Variants in NUMA1 observed in about 807,000 individuals in gnomAD.
NUMA1 encodes SP-H antigen.
In NUMA1, 62 loss-of-function variants were observed where a neutral mutation model predicts 237.1. That is an observed-to-expected ratio of 0.26 (90% CI 0.21 to 0.32). The LOEUF (loss-of-function observed/expected upper bound fraction) is 0.32. Among genes scored for constraint, NUMA1 ranks in the 10% least tolerant of loss-of-function variants. The pLI is 1.00. For synonymous variants in NUMA1, 1,028 were observed against 1,066.1 expected (o/e 0.96, Z 0.70); for missense variants, 2,533 against 2,666.5 (o/e 0.95, Z 1.10).
intron 13 of NUMA1, 74 bp from the exon 14 acceptor site, chr11:72,016,604 A>C: frequency 2.6e-6 from 4 of 1,530,556 alleles, no homozygotes; most frequent in Non-Finnish European, 2.7e-6. Flanking sequence ...CCTCATAAAC[A>C]TCAGCAAACA....
Position 72,015,081 on chromosome 11 carries a change from T to G in NUMA1, c.2422A>C (p.Lys808Gln). The change falls in exon 15 of 27, where the codon AAA becomes CAA. Residue 808 changes from lysine (K) to glutamine (Q), a missense_variant. Lys to Gln is a moderately conservative substitution (Grantham distance 53). Around this residue, in one of 3 missense-constraint regions of NUMA1, gnomAD observed 1,414 missense variants for 1,508.1 expected, o/e 0.94. Coordinates refer to ENST00000393695, the MANE Select transcript of NUMA1 (RefSeq NM_006185.4). This position sits in a 1 kb window ranked among gnomAD's most constrained non-coding sequence, Gnocchi z 4.0. ...CGCTCACGCCAGGCAGCTACTTCTTTGACGAGCTGCTCACACTCACTCTCA... is the reference window on the plus strand; with the variant it reads ...CGCTCACGCCAGGCAGCTACTTCTTGGACGAGCTGCTCACACTCACTCTCA... ...TAESECEQLV[K>Q]EVAAWRERYE... is the part of the protein sequence containing the mutation. 1 of 1,613,984 alleles carries G rather than the reference T, an allele frequency of 6.2e-7. No homozygotes were observed. Among genetic ancestry groups the G allele is most frequent in the Non-Finnish European group, 8.5e-7 (1 of 1,180,032 alleles).
chr11:72,074,905 G>A (rs1041689613), intron 1 of NUMA1, among the ~76,000 whole-genome samples: 11 of 151,918 alleles, frequency 7.2e-5, no homozygotes, highest in Non-Finnish European at 1.5e-4. Flanking sequence ...GCAGTGGCAC[G>A]TGCCTGTAAT....
At chr11:72,073,459 T>G (rs1943561377) in intron 1 of NUMA1, among the ~76,000 whole-genome samples, 1 of 152,140 alleles carries the variant, frequency 6.6e-6, no homozygotes, top group Non-Finnish European at 1.5e-5. Flanking sequence ...TGCCCCACCT[T>G]TGAAGAGCAA....
chr11:72,054,421 T>C (rs1942526668), intron 2 of NUMA1, among the ~76,000 whole-genome samples: 1 of 148,696 alleles, frequency 6.7e-6, no homozygotes, highest in Admixed American at 6.8e-5. Flanking sequence ...TTAGCCAAGA[T>C]CACACAATTG....
At chr11:72,024,378 C>T (rs778203268) in intron 4 of NUMA1, 25 bp from the exon 5 acceptor site, 11 of 1,604,716 alleles carry the variant, frequency 6.9e-6, no homozygotes, top group Middle Eastern at 1.6e-4. Context: ...AGTATTAGGA[C>T]CAGAGTATTC....
At chr11:72,066,896 C>T (rs1296611959) in intron 2 of NUMA1, 3 of 152,248 alleles carry the variant, frequency 2.0e-5, no homozygotes, top group Non-Finnish European at 4.4e-5. Flanking sequence ...TGGCCCTTAT[C>T]TGAATTCTTT....
chr11:72,056,899 T>C (rs946409585), intron 2 of NUMA1, among the ~76,000 whole-genome samples: 3 of 151,972 alleles, frequency 2.0e-5, no homozygotes, highest in Non-Finnish European at 2.9e-5. Flanking sequence ...GCGGAGATTT[T>C]TGTTAATGAA....
rs1955373451 is a variant in NUMA1 at position 72,003,117 on chromosome 11, C to T, written c.*410G>A. 1.1e-5 allele frequency: 3 copies of T among 268,650 alleles called. No individual in the cohort carries two copies. The East Asian group carries it at 1.7e-4, about 15-fold the overall frequency. 16.6% of individuals were successfully genotyped at this position (268,650 alleles called of 1,614,324 possible). ...CAGTCCTGGACTTCAAGAGTGAGGG[C>T]CCCTGCTGGGCCCAGCCACCAGGAC... On this transcript the variant is annotated 3_prime_UTR_variant, in exon 27 of 27. Transcript: ENST00000393695.
chr11:72,058,335 G>GA (rs1488751485), intron 2 of NUMA1, among the ~76,000 whole-genome samples: 2 of 152,218 alleles, frequency 1.3e-5, no homozygotes, highest in East Asian at 3.9e-4. Context: ...TCTGTTTTTA[G>GA]AAAACTAGGT....
chr11:72,067,924 T>G (rs1379091993), intron 2 of NUMA1: 1 of 152,216 alleles, frequency 6.6e-6, no homozygotes, highest in Non-Finnish European at 1.5e-5. Context: ...TATAATCAGC[T>G]TAATTTGCAT....
At chr11:72,049,121 C>A (rs1454260688) in intron 2 of NUMA1, among the ~76,000 whole-genome samples, 3 of 152,174 alleles carry the variant, frequency 2.0e-5, no homozygotes, top group Non-Finnish European at 2.9e-5. Flanking sequence ...AACCTCTCCA[C>A]CCTGTTTCAC....
At chr11:72,065,378 T>C (rs1591074048) in intron 2 of NUMA1, 1 of 152,206 alleles carries the variant, frequency 6.6e-6, no homozygotes, top group African/African-American at 2.4e-5. Context: ...AAAAATCCTA[T>C]ATGATAGACT....
intron 2 of NUMA1, among the ~76,000 whole-genome samples, chr11:72,045,016 C>G (rs1470496098): frequency 1.3e-5 from 2 of 152,062 alleles, no homozygotes; most frequent in Non-Finnish European, 2.9e-5. Context: ...AAAAATGTAA[C>G]TACCTCCTAC....
chr11:72,008,034 A>G (rs558654616), intron 20 of NUMA1: 134 of 455,102 alleles, frequency 2.9e-4, no homozygotes, highest in Non-Finnish European at 5.2e-5. Context: ...AACCTTGGGC[A>G]AGTGACTGCC....
intron 2 of NUMA1, among the ~76,000 whole-genome samples, chr11:72,068,925 T>C (rs900578645): frequency 6.6e-6 from 1 of 152,206 alleles, no homozygotes; most frequent in African/African-American, 2.4e-5. Flanking sequence ...TTGCCTTGCA[T>C]GAATCTTTGG....
intron 2 of NUMA1, among the ~76,000 whole-genome samples, chr11:72,036,342 C>T (rs1377176525): frequency 6.6e-6 from 1 of 152,234 alleles, no homozygotes; most frequent in Admixed American, 6.5e-5. Flanking sequence ...TTTAATGTGA[C>T]CAGGGTCATA....
chr11:72,003,454 G>T lies in NUMA1; in HGVS notation c.*73C>A. ...TGGGAGCTGAGAGAAGGCACTGAGA[G>T]GGACAGTAGGCGGAGGACCAGGTGA... On this transcript the variant is annotated 3_prime_UTR_variant, in exon 27 of 27. Coordinates refer to ENST00000393695, the MANE Select transcript of NUMA1 (RefSeq NM_006185.4). The T allele has an allele frequency of 6.9e-7, 1 of 1,454,972 alleles. No individual in the cohort carries two copies. The highest frequency in any genetic ancestry group is 1.1e-5 in the South Asian group (1 of 88,046). 90.1% of individuals were successfully genotyped at this position (1,454,972 alleles called of 1,614,324 possible).
At position 72,018,968 on chromosome 11, in the gene NUMA1, AC is replaced by A; in HGVS notation, c.596del (p.Gly199ValfsTer18). ...SSSSGNNFLS[G>X]SPASPMGDIL... ...TATCACCCATGGGAGAAGCTGGAGA[AC>A]CTGAGAGAAAGCTGAGGAGGGAGAA... On this transcript the variant is annotated frameshift_variant, in exon 10 of 27. Coordinates refer to ENST00000393695, the MANE Select transcript of NUMA1 (RefSeq NM_006185.4). LOFTEE classifies it high-confidence loss of function. 6.2e-7 allele frequency: 1 copy of A among 1,613,728 alleles called. No individual in the cohort carries two copies. The highest frequency in any genetic ancestry group is 8.5e-7 in the Non-Finnish European group (1 of 1,179,940).
At position 72,007,394 on chromosome 11, in the gene NUMA1, C is replaced by T; in HGVS notation, c.5258G>A (p.Gly1753Glu). ...RTQPDGTSVP[G>E]EPASPISQRL... ...CTGGGAGATAGGTGAGGCTGGTTCT[C>T]CAGGGACGCTGGTGCCGTCTGGCTG... The change falls in exon 21 of 27, where the codon GGA (glycine) becomes GAA (glutamate). Residue 1753 changes from glycine (G) to glutamate (E), a missense_variant. Physicochemically the swap from Gly to Glu is moderately conservative, Grantham distance 98. Coordinates refer to ENST00000393695, the MANE Select transcript of NUMA1 (RefSeq NM_006185.4). The T allele has an allele frequency of 6.2e-7, 1 of 1,613,828 alleles. No homozygotes were observed. Among genetic ancestry groups the T allele is most frequent in the Non-Finnish European group, 8.5e-7 (1 of 1,179,956 alleles).
Sources: allele counts gnomAD v4.1 joint callset (sites outside exome capture counted in the v4.1 genomes callset), GRCh38; gene constraint gnomAD v4.1.1; regional missense constraint gnomAD v4.1.1; non-coding constraint Gnocchi (gnomAD v3.1); transcripts MANE v1.5; gene names NCBI Gene and HGNC (gene_info 2026-07-23, HGNC 2026-07-21).